ZBTB8A: variants seen among roughly 807,000 people sequenced by gnomAD.
ZBTB8A encodes zinc finger and BTB domain-containing protein 8A.
A neutral mutation model predicts 37.8 loss-of-function variants in ZBTB8A; 19 were observed. The observed-to-expected ratio is 0.50, with a 90% CI of 0.35 to 0.74. The LOEUF is 0.74. Among genes scored for constraint, ZBTB8A ranks in the 30% least tolerant of loss-of-function variants. The pLI, the probability that ZBTB8A is intolerant of heterozygous loss-of-function variation, is 0.01. For synonymous variants in ZBTB8A, 181 were observed against 185.2 expected (o/e 0.98, Z 0.19); for missense variants, 394 against 537.8 (o/e 0.73, Z 2.65).
At chr1:32,571,732 G>T (rs1193093724) in intron 2 of ZBTB8A, among the ~76,000 whole-genome samples, 1 of 151,822 alleles carries the variant, frequency 6.6e-6, no homozygotes, top group African/African-American at 2.4e-5. Context: ...CCGCCACCAC[G>T]CCCAGCTAAT....
chr1:32,566,788 T>C (rs1440084179), intron 2 of ZBTB8A, among the ~76,000 whole-genome samples: 2 of 152,106 alleles, frequency 1.3e-5, no homozygotes, highest in African/African-American at 4.8e-5. Context: ...GTGAAGATCC[T>C]TCACTCCTGG....
intron 2 of ZBTB8A, among the ~76,000 whole-genome samples, chr1:32,581,641 C>T (rs562815539): frequency 2.0e-4 from 30 of 151,840 alleles, no homozygotes; most frequent in African/African-American, 2.9e-4. Context: ...CGTGAGCCAC[C>T]GTCCCCAGCC....
At chr1:32,595,657 T>G (rs1454991224) in intron 4 of ZBTB8A, among the ~76,000 whole-genome samples, 2 of 136,810 alleles carry the variant, frequency 1.5e-5, no homozygotes, top group East Asian at 2.0e-4. Context: ...GCAGCTTTTG[T>G]TTTTTTTTTT....
intron 2 of ZBTB8A, among the ~76,000 whole-genome samples, chr1:32,586,913 G>C (rs142580698): frequency 6.6e-6 from 1 of 152,142 alleles, no homozygotes; most frequent in Non-Finnish European, 1.5e-5. Flanking sequence ...TGTGGCTGCT[G>C]TATTCAGACT....
intron 2 of ZBTB8A, among the ~76,000 whole-genome samples, chr1:32,563,670 A>G (rs911941114): frequency 2.6e-5 from 4 of 151,996 alleles, no homozygotes; most frequent in Admixed American, 1.3e-4. Context: ...ATGGAGTTTC[A>G]TCATCTTGGC....
intron 2 of ZBTB8A, among the ~76,000 whole-genome samples, chr1:32,553,886 CA>C (rs34338542): frequency 0.4 from 30,830 of 77,146 alleles, 4,272 homozygotes; most frequent in East Asian, 0.54. Flanking sequence ...AACTCTGTCT[CA>C]AAAAAAAAAA....
rs546495609 is a variant in ZBTB8A at position 32,561,556 on chromosome 1, GTTTTGT to G, written c.-2+8039_-2+8044del. Among the ~76,000 whole-genome samples, 775 of 152,064 alleles carry G rather than the reference GTTTTGT, an allele frequency of 5.1e-3. 10 individuals are homozygous for G. The highest frequency in any genetic ancestry group is 0.043 in the East Asian group (223 of 5,178). The stretch of plus-strand genomic sequence containing the variant: ...TGGTGCTCTTCCTTCTGTGTTTGTG[GTTTTGT>G]TTTTGTTTTTGTTTTTGTTTTTTTG... On this transcript the variant is annotated intron_variant, in intron 2 of 4. Transcript: ENST00000373510.
rs923577899 is a variant in ZBTB8A, at chr1:32,599,198, C to T, written c.994-889C>T. On this transcript the variant is annotated intron_variant, in intron 4 of 4. Transcript: ENST00000373510. ...ACAAAACAAGAGAGATTGCACCCCC[C>T]GCCCCCACCTCAAATTAAGATATGT... Among the ~76,000 whole-genome samples the T allele has an allele frequency of 1.7e-4, 26 of 151,634 alleles. No homozygotes were observed. In the East Asian group the frequency reaches 2.5e-3, roughly 15 times the overall value.
At chr1:32,588,623 G>A (rs1269532144) in intron 2 of ZBTB8A, among the ~76,000 whole-genome samples, 1 of 152,032 alleles carries the variant, frequency 6.6e-6, no homozygotes, top group Non-Finnish European at 1.5e-5. Flanking sequence ...ATGATCAACT[G>A]TGTAGGCAAA....
chr1:32,593,603 T>C lies in ZBTB8A; in HGVS notation c.672T>C (p.Tyr224=), dbSNP rs181220581. The C allele has an allele frequency of 6.2e-7, 1 of 1,614,242 alleles. No homozygotes were observed. Among genetic ancestry groups the C allele is most frequent in the African/African-American group, 1.3e-5 (1 of 75,080 alleles). ...CACAGCCTTCTGAAGTTACTCATTA[T>C]AAGTCAAGCAAACGAGAAGTACGAA... ...RLSQPSEVTH[Y]KSSKREVRTS... Residue 224 remains tyrosine, a synonymous_variant, in exon 3 of 5, where the codon TAT becomes TAC. Transcript: ENST00000373510.
intron 1 of ZBTB8A, among the ~76,000 whole-genome samples, chr1:32,552,251 C>G (rs1557702189): frequency 6.6e-6 from 1 of 152,116 alleles, no homozygotes; most frequent in Non-Finnish European, 1.5e-5. Context: ...GTAGTCCCAA[C>G]TACTTGGTAG....
intron 2 of ZBTB8A, among the ~76,000 whole-genome samples, chr1:32,576,036 T>C (rs1644356912): frequency 6.6e-6 from 1 of 152,230 alleles, no homozygotes; most frequent in Non-Finnish European, 1.5e-5. Flanking sequence ...GAGCTTCATA[T>C]ATAGCAGATT....
intron 3 of ZBTB8A, 75 bp downstream of exon 3, chr1:32,593,829 C>T (rs886455407): frequency 1.7e-6 from 2 of 1,178,952 alleles, no homozygotes; most frequent in African/African-American, 1.5e-5. Flanking sequence ...TCAAAACACC[C>T]TTAGTTTCAG....
At position 32,604,822 on chromosome 1, in the gene ZBTB8A, A is replaced by G. The variant is rs994672674; in HGVS notation, c.*4403A>G. 1.2e-4 allele frequency: 19 copies of G among 152,110 alleles called. No individual in the cohort carries two copies. Among genetic ancestry groups the G allele is most frequent in the African/African-American group, 4.3e-4 (18 of 41,420 alleles). The allele number at this position is 152,110 out of a possible 1,614,324, so 9.4% of individuals were successfully genotyped here. ...ATTTTTTTTAGTCCTAAAATTAATA[A>G]GTATGGAAAATCACTAAAAGCAGTG... On this transcript the variant is annotated 3_prime_UTR_variant, in exon 5 of 5. Transcript: ENST00000373510.
chr1:32,554,631 A>G (rs1015984897), intron 2 of ZBTB8A, among the ~76,000 whole-genome samples: 21 of 152,076 alleles, frequency 1.4e-4, no homozygotes, highest in African/African-American at 5.1e-4. Flanking sequence ...GGCACCTGCC[A>G]CCAAGCCTGG....
intron 2 of ZBTB8A, among the ~76,000 whole-genome samples, chr1:32,587,175 G>A (rs1161529502): frequency 6.6e-6 from 1 of 151,082 alleles, no homozygotes; most frequent in Non-Finnish European, 1.5e-5. Context: ...GGAGGCCGAG[G>A]TTTCAGTGAG....
chr1:32,599,758 A>G (rs1423110927), intron 4 of ZBTB8A, among the ~76,000 whole-genome samples: 1 of 151,942 alleles, frequency 6.6e-6, no homozygotes, highest in African/African-American at 2.4e-5. Flanking sequence ...AAATAATTAA[A>G]TAAGTACATG....
rs530222719 is a variant in ZBTB8A, at chr1:32,568,393, C to CTT, written c.-2+14863_-2+14864dup. 4.5e-3 allele frequency among the ~76,000 whole-genome samples: 654 copies of CTT among 144,998 alleles called. 7 individuals are homozygous for CTT. Among genetic ancestry groups the CTT allele is most frequent in the East Asian group, 0.043 (215 of 4,964 alleles). On this transcript the variant is annotated intron_variant, in intron 2 of 4. Coordinates refer to ENST00000373510, the MANE Select transcript of ZBTB8A (RefSeq NM_001040441.3). The stretch of plus-strand genomic sequence containing the variant: ...TGATTATAGATTAGTTCTGCCTATT[C>CTT]TTTTTTTTTTTGAGATGGAGTCTCG...
At chr1:32,554,157 A>G (rs1364783022) in intron 2 of ZBTB8A, among the ~76,000 whole-genome samples, 2 of 148,450 alleles carry the variant, frequency 1.3e-5, no homozygotes, top group African/African-American at 5.0e-5. Flanking sequence ...CCAAGATCAC[A>G]CCAGTGCACT....
Sources: allele counts gnomAD v4.1 joint callset (sites outside exome capture counted in the v4.1 genomes callset), GRCh38; gene constraint gnomAD v4.1.1; transcripts MANE v1.5; gene names NCBI Gene and HGNC (gene_info 2026-07-23, HGNC 2026-07-21).